ZNF626: variants seen among roughly 807,000 people sequenced by gnomAD.
ZNF626 encodes CTC-513N18.7.
ZNF626 carries 4 observed loss-of-function variants against 11.7 expected under a neutral mutation model. The observed-to-expected ratio is 0.34, with a 90% CI of 0.17 to 0.78. The LOEUF (loss-of-function observed/expected upper bound fraction) is 0.78, where lower values mean the gene tolerates loss of function less well. Among genes scored for constraint, ZNF626 ranks in the 30% least tolerant of loss-of-function variants. The pLI, the probability that ZNF626 is intolerant of heterozygous loss-of-function variation, is 0.57. For missense variants in ZNF626, 588 were observed against 587.1 expected, an observed-to-expected ratio of 1.00 and a Z score of -0.01; for synonymous variants, 179 against 198.6, an observed-to-expected ratio of 0.90 and a Z score of 0.83.
At chr19:20,649,045 C>T (rs1970117089) in intron 1 of ZNF626, among the ~76,000 whole-genome samples, 1 of 152,160 alleles carries the variant, frequency 6.6e-6, no homozygotes, top group Non-Finnish European at 1.5e-5. Context: ...GTACTAAACG[C>T]ATGGCAGTCC....
At chr19:20,651,148 C>T (rs1555772556) in intron 1 of ZNF626, among the ~76,000 whole-genome samples, 1 of 146,996 alleles carries the variant, frequency 6.8e-6, no homozygotes, top group African/African-American at 2.6e-5. Context: ...GATTGTGCCA[C>T]TGAACTCCAG....
intron 1 of ZNF626, among the ~76,000 whole-genome samples, chr19:20,655,854 G>A (rs1970198971): frequency 6.6e-6 from 1 of 151,692 alleles, no homozygotes; most frequent in Admixed American, 6.6e-5. Context: ...AGATTGGCGT[G>A]AACCCAGGAG....
At chr19:20,656,202 T>C (rs1970203284) in intron 1 of ZNF626, among the ~76,000 whole-genome samples, 1 of 152,164 alleles carries the variant, frequency 6.6e-6, no homozygotes, top group Admixed American at 6.5e-5. Flanking sequence ...ATTCTCTCTT[T>C]AATAAATGGT....
rs545879892 is a variant in ZNF626, at chr19:20,655,477, G to A, written c.3+5967C>T. Among the ~76,000 whole-genome samples the A allele has an allele frequency of 2.6e-4, 40 of 152,068 alleles. No homozygotes were observed. The East Asian group carries it at 6.7e-3, about 26-fold the overall frequency. On this transcript the variant is annotated intron_variant, in intron 1 of 3. Coordinates refer to ENST00000601440, the MANE Select transcript of ZNF626 (RefSeq NM_001076675.3). ...TAAAAATCAAAAAAATAAACTTTTC[G>A]GAACCAAAAACAAAGCAATACATCT... is the stretch of plus-strand genomic sequence containing the variant.
intron 1 of ZNF626, among the ~76,000 whole-genome samples, chr19:20,658,311 T>A (rs1168052298): frequency 6.6e-6 from 1 of 151,600 alleles, no homozygotes; most frequent in Non-Finnish European, 1.5e-5. Context: ...TATCTAGGGG[T>A]GGGGATATGC....
chr19:20,643,357 T>C (rs1555771646), intron 3 of ZNF626, among the ~76,000 whole-genome samples: 5 of 133,360 alleles, frequency 3.7e-5, no homozygotes, highest in Non-Finnish European at 7.7e-5. Flanking sequence ...AAAACAAATA[T>C]TAGGAAATAA....
intron 1 of ZNF626, among the ~76,000 whole-genome samples, chr19:20,659,364 C>A (rs1970239351): frequency 6.6e-6 from 1 of 152,138 alleles, no homozygotes; most frequent in Non-Finnish European, 1.5e-5. Context: ...CTCAGCCTCC[C>A]AAGTAGCTGG....
chr19:20,653,037 A>C (rs1555772727), intron 1 of ZNF626, among the ~76,000 whole-genome samples: 1 of 152,186 alleles, frequency 6.6e-6, no homozygotes, highest in Non-Finnish European at 1.5e-5. Context: ...GACTCTCTAG[A>C]AGTGACTGTA....
Position 20,622,787 on chromosome 19 carries a change from T to C in ZNF626, c.*1503A>G, listed in dbSNP as rs546784842. The C allele has an allele frequency of 5.3e-5, 8 of 152,338 alleles. No homozygotes were observed. Among genetic ancestry groups the C allele is most frequent in the African/African-American group, 1.7e-4 (7 of 41,590 alleles). The allele number at this position is 152,338 out of a possible 1,614,324, so 9.4% of individuals were successfully genotyped here. On this transcript the variant is annotated 3_prime_UTR_variant, in exon 4 of 4. Transcript: ENST00000601440. Reference sequence around the variant, plus strand: ...GTCTGAAGTGTCAGTGCCTTAGTTATTCTGTAAATTCTGATATTTACATAC... The same window carrying C: ...GTCTGAAGTGTCAGTGCCTTAGTTACTCTGTAAATTCTGATATTTACATAC...
In ZNF626 at chr19:20,646,293, T is replaced by G; in HGVS notation, c.116A>C (p.Asn39Thr). The change falls in exon 2 of 4, where the codon AAC becomes ACC. Residue 39 changes from asparagine to threonine, a missense_variant. This residue lies in a region of ZNF626 where 524 missense variants were observed against 470.1 expected (regional missense o/e 1.11). Coordinates refer to ENST00000601440, the MANE Select transcript of ZNF626 (RefSeq NM_001076675.3). The stretch of plus-strand genomic sequence containing the variant: ...GTTATCCTCACCAAGGAAGACCAGG[T>G]TACTGTAGTTCTCTAACATCACATT... ...YRNVMLENYS[N>T]LVFLGITVSK... The G allele has an allele frequency of 6.2e-7, 1 of 1,613,942 alleles. No individual in the cohort carries two copies. The highest frequency in any genetic ancestry group is 1.3e-5 in the African/African-American group (1 of 75,048).
At chr19:20,647,982 C>T (rs1333689022) in intron 1 of ZNF626, among the ~76,000 whole-genome samples, 1 of 151,832 alleles carries the variant, frequency 6.6e-6, no homozygotes, top group Non-Finnish European at 1.5e-5. Context: ...AGTTCGAGAC[C>T]AGCATGACTA....
intron 1 of ZNF626, among the ~76,000 whole-genome samples, chr19:20,649,068 C>T (rs868968166): frequency 2.0e-5 from 3 of 152,230 alleles, no homozygotes; most frequent in South Asian, 2.1e-4. Flanking sequence ...GAGGCAGAGT[C>T]GACATAGCTC....
At chr19:20,637,421 G>A (rs1450446033) in intron 3 of ZNF626, among the ~76,000 whole-genome samples, 1 of 150,250 alleles carries the variant, frequency 6.7e-6, no homozygotes, top group Non-Finnish European at 1.5e-5. Flanking sequence ...GGAGATGGAG[G>A]CTGCAGTGAG....
chr19:20,652,646 A>C (rs1255026612), intron 1 of ZNF626, among the ~76,000 whole-genome samples: 1 of 152,220 alleles, frequency 6.6e-6, no homozygotes, highest in African/African-American at 2.4e-5. Context: ...TACAGAATTC[A>C]AAGGGAGGAG....
At chr19:20,643,893 G>A (rs1043471367) in intron 3 of ZNF626, among the ~76,000 whole-genome samples, 2 of 152,182 alleles carry the variant, frequency 1.3e-5, no homozygotes, top group East Asian at 1.9e-4. Flanking sequence ...GCTGAAGTTC[G>A]AGACGTGTTC....
chr19:20,655,471 C>T (rs1312606294), intron 1 of ZNF626, among the ~76,000 whole-genome samples: 3 of 152,112 alleles, frequency 2.0e-5, no homozygotes, highest in Admixed American at 1.3e-4. Flanking sequence ...AAAAAATAAA[C>T]TTTTCGGAAC....
At chr19:20,645,924 T>C (rs1295739620) in intron 2 of ZNF626, 145 bp from the exon 3 acceptor site, 2 of 640,284 alleles carry the variant, frequency 3.1e-6, no homozygotes, top group Admixed American at 3.8e-5. Flanking sequence ...TTTAAATAAT[T>C]AGAAAATACT....
Position 20,620,385 on chromosome 19 carries a change from C to G in ZNF626, c.*3905G>C, listed in dbSNP as rs139108437. ...GAAAATATGTACAAATGCATATTTACCAAACACTCATTTCATAATTTTCTT... is the reference window on the plus strand; with the variant it reads ...GAAAATATGTACAAATGCATATTTAGCAAACACTCATTTCATAATTTTCTT... On this transcript the variant is annotated 3_prime_UTR_variant, in exon 4 of 4. Transcript: ENST00000601440. 641 of 152,220 alleles carry G rather than the reference C, an allele frequency of 4.2e-3. 4 individuals carry two copies. The highest frequency in any genetic ancestry group is 0.015 in the African/African-American group (623 of 41,516). The allele number at this position is 152,220 out of a possible 1,614,324, so 9.4% of individuals were successfully genotyped here.
At chr19:20,648,363 T>G (rs1970106583) in intron 1 of ZNF626, among the ~76,000 whole-genome samples, 1 of 119,166 alleles carries the variant, frequency 8.4e-6, no homozygotes, top group Admixed American at 7.6e-5. Flanking sequence ...AAGCATTTTC[T>G]TCTTCTTCTT....
Sources: gnomAD v4.1 joint callset for allele counts (sites outside exome capture counted in the v4.1 genomes callset) on GRCh38, gnomAD v4.1.1 for gene constraint, gnomAD v4.1.1 regional missense constraint, MANE v1.5 for transcripts, NCBI Gene and HGNC (gene_info 2026-07-23, HGNC 2026-07-21) for gene names.